SEMA4D: variants seen among roughly 807,000 people sequenced by gnomAD.
SEMA4D encodes the protein semaphorin-4D.
Under a neutral mutation model 74.8 loss-of-function variants are expected in SEMA4D, and 22 were observed. That is an observed-to-expected ratio of 0.29 (90% confidence interval 0.21 to 0.42). The LOEUF is 0.42. Among genes scored for constraint, SEMA4D ranks in the 10% least tolerant of loss-of-function variants. The pLI is 1.00. For synonymous variants in SEMA4D, 445 were observed against 463.7 expected (o/e 0.96, Z 0.52); for missense variants, 937 against 1,118.4 (o/e 0.84, Z 2.31).
At chr9:89,433,392 G>GGGGAGGGGTCTCCAATCGGCA (rs1255830510) in intron 2 of SEMA4D, among the ~76,000 whole-genome samples, 138 of 152,298 alleles carry the variant, frequency 9.1e-4, no homozygotes, top group Admixed American at 2.1e-3. Flanking sequence ...CCTTGATAGT[G>GGGGAGGGGTCTCCAATCGGCA]GGGAGGGGTC....
intron 4 of SEMA4D, among the ~76,000 whole-genome samples, chr9:89,402,367 C>G (rs1369590286): frequency 1.3e-5 from 2 of 152,122 alleles, no homozygotes; most frequent in African/African-American, 4.8e-5. Context: ...CAACCTGATT[C>G]AAACTAAACG....
At chr9:89,422,953 C>CTGTCAGCAATGTGTCAGCAATG (rs145024847) in intron 2 of SEMA4D, among the ~76,000 whole-genome samples, 2 of 152,022 alleles carry the variant, frequency 1.3e-5, no homozygotes, top group Non-Finnish European at 2.9e-5. Context: ...ATTTTAGAGA[C>CTGTCAGCAATGTGTCAGCAATG]TGTCAGCAAT....
At chr9:89,416,585 C>T (rs961000148) in intron 2 of SEMA4D, among the ~76,000 whole-genome samples, 7 of 152,164 alleles carry the variant, frequency 4.6e-5, no homozygotes, top group Admixed American at 3.9e-4. Flanking sequence ...CAAGAACATA[C>T]ACTCCTACAC....
downstream of SEMA4D, among the ~76,000 whole-genome samples, chr9:89,372,492 G>A (rs1012421403): frequency 7.0e-4 from 106 of 151,912 alleles, no homozygotes; most frequent in Non-Finnish European, 1.8e-4. Flanking sequence ...ATTGCTAGCC[G>A]CATGACAAAG....
chr9:89,405,833 G>T (rs1843203437), intron 2 of SEMA4D, 134 bp from the exon 3 acceptor site: 1 of 1,289,740 alleles, frequency 7.8e-7, no homozygotes, highest in Admixed American at 3.7e-5. Flanking sequence ...GGCAGCGGGG[G>T]ACAAAGAGAG....
intron 1 of SEMA4D, among the ~76,000 whole-genome samples, chr9:89,485,547 G>A (rs1181430529): frequency 6.6e-6 from 1 of 152,094 alleles, no homozygotes; most frequent in East Asian, 1.9e-4. Flanking sequence ...CTAGCACTTT[G>A]GGAGGCCAAG....
In SEMA4D at chr9:89,363,649, A is replaced by T; in HGVS notation, c.2092+92T>A. On this transcript the variant is annotated intron_variant, in intron 17 of 18. Transcript: ENST00000339861. ...ACCCAAACCCAGAATGCCACCGTGC[A>T]AGCATGCTTTCCAGCTGTTTTTTTC... The T allele has an allele frequency of 2.5e-6, 4 of 1,593,068 alleles. No homozygotes were observed. The South Asian group carries it at 4.4e-5, about 18-fold the overall frequency.
At chr9:89,497,833 G>A (rs1431826382) in intron 1 of SEMA4D, 86 bp downstream of exon 1, 1 of 151,382 alleles carries the variant, frequency 6.6e-6, no homozygotes, top group Non-Finnish European at 1.5e-5. Flanking sequence ...GGTGTGGAGT[G>A]GGGGCTCCGC....
exon 19 of SEMA4D, chr9:89,361,354 T>C (rs1165122663): frequency 2.0e-5 from 3 of 152,248 alleles, no homozygotes; most frequent in African/African-American, 7.2e-5. Context: ...ATTGTCACAC[T>C]GCTGGGAAGA....
chr9:89,419,386 G>A (rs941159347), intron 2 of SEMA4D, among the ~76,000 whole-genome samples: 13 of 152,184 alleles, frequency 8.5e-5, no homozygotes, highest in African/African-American at 3.1e-4. Context: ...CTGGGGCAGG[G>A]CTGAGCATTT....
Position 89,381,502 on chromosome 9 carries a change from G to T in SEMA4D, c.1447-156C>A. 1 of 687,844 alleles carries T rather than the reference G, an allele frequency of 1.5e-6. No homozygotes were observed. The highest frequency in any genetic ancestry group is 2.3e-6 in the Non-Finnish European group (1 of 439,608). The allele number at this position is 687,844 out of a possible 1,614,324, so 42.6% of individuals were successfully genotyped here. On this transcript the variant is annotated intron_variant, in intron 13 of 15. Coordinates refer to ENST00000422704, the MANE Select transcript of SEMA4D (RefSeq NM_001371194.2). This position sits in a 1 kb window ranked among gnomAD's most constrained non-coding sequence, Gnocchi z 4.6. ...GGTACTCAGAACCAGAGGCAAACAA[G>T]GCAGGTCTGTGACCTTCCTGCAGAA...
intron 1 of SEMA4D, among the ~76,000 whole-genome samples, chr9:89,466,235 T>G (rs921991250): frequency 6.6e-6 from 1 of 152,048 alleles, no homozygotes; most frequent in African/African-American, 2.4e-5. Context: ...CAAACATAAT[T>G]TCCCCTGACT....
At chr9:89,409,062 C>T (rs1330113534) in intron 2 of SEMA4D, among the ~76,000 whole-genome samples, 7 of 152,148 alleles carry the variant, frequency 4.6e-5, no homozygotes, top group African/African-American at 1.7e-4. Flanking sequence ...GTATACAAAC[C>T]GCTACATCCA....
At chr9:89,449,741 G>C (rs1853891660) in intron 2 of SEMA4D, 1 of 1,521,556 alleles carries the variant, frequency 6.6e-7, no homozygotes, top group Non-Finnish European at 9.1e-7. Flanking sequence ...AAGAAACAGG[G>C]AAAATCTTCA....
At chr9:89,400,919 C>A (rs1348688642) in intron 4 of SEMA4D, among the ~76,000 whole-genome samples, 1 of 152,236 alleles carries the variant, frequency 6.6e-6, no homozygotes, top group Non-Finnish European at 1.5e-5. Flanking sequence ...CCACAATTCC[C>A]CCAAGACCGA....
At chr9:89,479,872 G>T (rs1474295316) in intron 1 of SEMA4D, 1 of 150,654 alleles carries the variant, frequency 6.6e-6, no homozygotes, top group African/African-American at 2.4e-5. Context: ...AGTGTGGAAG[G>T]GGACCCGAGC....
chr9:89,461,374 C>G (rs1000383172), intron 1 of SEMA4D, among the ~76,000 whole-genome samples: 48 of 152,256 alleles, frequency 3.2e-4, no homozygotes, highest in African/African-American at 1.1e-3. Context: ...GACTGTGAAA[C>G]TGAAAAGCGC....
In SEMA4D at chr9:89,420,506, C is replaced by T. The variant is rs544943784; in HGVS notation, c.-243-14807G>A. Among the ~76,000 whole-genome samples the T allele has an allele frequency of 2.0e-4, 30 of 152,352 alleles. No homozygotes were observed. In the Middle Eastern group the frequency reaches 0.01, roughly 52 times the overall value. On this transcript the variant is annotated intron_variant, in intron 2 of 15. Transcript: ENST00000422704. ...TTCACATCCTCTCCTGGTGCACCCC[C>T]TCTAGTGCAGGAGAGTGTGGGGCTC...
At chr9:89,394,705 AC>A (rs1235559767) in intron 6 of SEMA4D, among the ~76,000 whole-genome samples, 1 of 152,260 alleles carries the variant, frequency 6.6e-6, no homozygotes, top group African/African-American at 2.4e-5. Flanking sequence ...CGCAGCTGAC[AC>A]CCTTGAAAGG....
Sources: allele counts gnomAD v4.1 joint callset (sites outside exome capture counted in the v4.1 genomes callset), GRCh38; gene constraint gnomAD v4.1.1; non-coding constraint Gnocchi (gnomAD v3.1); transcripts MANE v1.5; gene names NCBI Gene and HGNC (gene_info 2026-07-23, HGNC 2026-07-21).